TENM1: variants seen among roughly 807,000 people sequenced by gnomAD.
The protein encoded by TENM1 is teneurin transmembrane protein 1.
TENM1 carries 35 observed loss-of-function variants against 174.8 expected under a neutral mutation model. The ratio of observed to expected loss-of-function variants is 0.20; its 90% CI spans 0.15 to 0.27. The LOEUF is 0.27. Among genes scored for constraint, TENM1 ranks in the 10% least tolerant of loss-of-function variants. The probability of loss-of-function intolerance (pLI) is 1.00; values close to 1 mark genes in which losing one functional copy is unlikely to be tolerated. For missense variants in TENM1, 1,633 were observed against 2,130.1 expected, an observed-to-expected ratio of 0.77 and a Z score of 4.59; for synonymous variants, 781 against 798.7, an observed-to-expected ratio of 0.98 and a Z score of 0.37.
the TENM1 span, among the ~76,000 whole-genome samples, chrX:125,060,223 T>C: frequency 9.3e-6 from 1 of 107,883 alleles, no homozygotes; most frequent in Non-Finnish European, 1.9e-5. Context: ...ATCCTATTTG[T>C]TCTATTTCTC....
At chrX:125,021,788 T>C in the TENM1 span, among the ~76,000 whole-genome samples, 1 of 112,742 alleles carries the variant, frequency 8.9e-6, no homozygotes, top group African/African-American at 3.2e-5. Flanking sequence ...CACAAAATAC[T>C]GTCCTTCTTT....
chrX:124,643,208 A>C (rs1209035670), intron 10 of TENM1, among the ~76,000 whole-genome samples: 1 of 112,186 alleles, frequency 8.9e-6, no homozygotes. Context: ...TAATTTTAAT[A>C]AAGTAGTATT....
intron 23 of TENM1, among the ~76,000 whole-genome samples, chrX:124,434,889 G>A (rs1363503710): frequency 8.9e-6 from 1 of 111,947 alleles, no homozygotes; most frequent in African/African-American, 3.2e-5. Context: ...AACCCTCTCA[G>A]CCCTTCTGGG....
chrX:124,431,375 G>A (rs1211503933), intron 23 of TENM1, among the ~76,000 whole-genome samples: 2 of 111,827 alleles, frequency 1.8e-5, no homozygotes, highest in Non-Finnish European at 3.8e-5. Flanking sequence ...ATTTTGATCT[G>A]TGAGTCCTCT....
At chrX:124,973,869 A>G in the TENM1 span, among the ~76,000 whole-genome samples, 1 of 111,873 alleles carries the variant, frequency 8.9e-6, no homozygotes, top group Non-Finnish European at 1.9e-5. Context: ...CAGATAACCA[A>G]ACACTGCGTG....
At position 124,886,156 on chromosome X, in the gene TENM1, A is replaced by C. The variant is rs1245340387; in HGVS notation, c.535+8140T>G. On this transcript the variant is annotated intron_variant, in intron 3 of 31. Transcript: ENST00000422452. ...AGGCTCAGCCATATTTTTTTCCTTC[A>C]TTTTCTAAGCTCTTTTTTAAAACTC... Among the ~76,000 whole-genome samples the C allele has an allele frequency of 4.5e-5, 5 of 110,835 alleles. No homozygotes were observed. In the Admixed American group the frequency reaches 4.8e-4, roughly 11 times the overall value.
chrX:124,995,478 T>C, the TENM1 span, among the ~76,000 whole-genome samples: 1 of 111,458 alleles, frequency 9.0e-6, no homozygotes, highest in African/African-American at 3.3e-5. Flanking sequence ...AGTCCTAGCA[T>C]AGAATTTTTC....
intron 11 of TENM1, among the ~76,000 whole-genome samples, chrX:124,566,718 T>C (rs1317713184): frequency 8.9e-6 from 1 of 112,228 alleles, no homozygotes; most frequent in South Asian, 3.7e-4. Flanking sequence ...ATTCTTCTGA[T>C]AAAGCCATGA....
chrX:124,742,636 A>G (rs749246410), intron 3 of TENM1, among the ~76,000 whole-genome samples: 6 of 111,076 alleles, frequency 5.4e-5, no homozygotes, highest in Non-Finnish European at 1.1e-4. Context: ...GAGTGTATAT[A>G]TAATATACAG....
At chrX:124,591,550 C>T (rs1026938968) in intron 11 of TENM1, among the ~76,000 whole-genome samples, 1 of 111,641 alleles carries the variant, frequency 9.0e-6, no homozygotes, top group South Asian at 3.7e-4. Flanking sequence ...AAAACAGGCC[C>T]CTAATCTCTC....
chrX:124,951,772 G>A (rs770589029), intron 1 of TENM1, among the ~76,000 whole-genome samples: 71 of 105,679 alleles, frequency 6.7e-4, no homozygotes, highest in Non-Finnish European at 1.3e-3. Flanking sequence ...AAATTAATTT[G>A]TTCAATAAAT....
intron 11 of TENM1, among the ~76,000 whole-genome samples, chrX:124,578,522 C>T (rs1413397071): frequency 9.0e-6 from 1 of 111,590 alleles, no homozygotes; most frequent in Non-Finnish European, 1.9e-5. Context: ...GGTTTCCCAT[C>T]TATAAAATCG....
intron 1 of TENM1, among the ~76,000 whole-genome samples, chrX:124,931,561 T>C (rs1321560468): frequency 9.0e-6 from 1 of 111,126 alleles, no homozygotes; most frequent in Non-Finnish European, 1.9e-5. Flanking sequence ...TTAAATATTT[T>C]CCCTTACTCC....
At chrX:124,581,927 CGCA>C (rs1328424919) in intron 11 of TENM1, among the ~76,000 whole-genome samples, 1 of 111,091 alleles carries the variant, frequency 9.0e-6, no homozygotes, top group Non-Finnish European at 1.9e-5. Context: ...GTGTGGGATG[CGCA>C]GATTTGTTAC....
intron 11 of TENM1, among the ~76,000 whole-genome samples, chrX:124,605,174 C>A (rs1045629888): frequency 9.9e-6 from 1 of 101,039 alleles, no homozygotes; most frequent in African/African-American, 3.6e-5. Context: ...GGAAAATTGG[C>A]CTTTAATATC....
intron 23 of TENM1, among the ~76,000 whole-genome samples, chrX:124,442,701 CA>C (rs2060916507): frequency 9.0e-6 from 1 of 111,547 alleles, no homozygotes; most frequent in Non-Finnish European, 1.9e-5. Context: ...TTCACTCTGT[CA>C]TCCAGGCTGG....
At chrX:125,002,409 C>G in the TENM1 span, among the ~76,000 whole-genome samples, 1 of 111,136 alleles carries the variant, frequency 9.0e-6, no homozygotes, top group East Asian at 2.8e-4. Context: ...CCTTCTGGAG[C>G]CAACAGAGGA....
intron 25 of TENM1, among the ~76,000 whole-genome samples, chrX:124,419,835 C>T (rs2060632120): frequency 8.9e-6 from 1 of 111,869 alleles, no homozygotes; most frequent in South Asian, 3.8e-4. Flanking sequence ...ATTTGAACTT[C>T]TCTCTTACCT....
intron 3 of TENM1, among the ~76,000 whole-genome samples, chrX:124,798,149 C>G (rs1339944918): frequency 8.9e-6 from 1 of 112,082 alleles, no homozygotes; most frequent in East Asian, 2.8e-4. Context: ...CTGCAAGAAA[C>G]ATACATGTGC....
Sources: allele counts gnomAD v4.1 joint callset (sites outside exome capture counted in the v4.1 genomes callset), GRCh38; gene constraint gnomAD v4.1.1; transcripts MANE v1.5; gene names NCBI Gene and HGNC (gene_info 2026-07-23, HGNC 2026-07-21).